The following GALNT3 variants were observed in gnomAD, a reference collection of about 807,000 sequenced individuals.
GALNT3 encodes the protein polypeptide N-acetylgalactosaminyltransferase 3, also known as GalNAc transferase 3.
In GALNT3, 51 loss-of-function variants were observed where a neutral mutation model predicts 69.8. The observed-to-expected ratio is 0.73, with a 90% CI of 0.58 to 0.92. The LOEUF (loss-of-function observed/expected upper bound fraction) is 0.92, where lower values mean the gene tolerates loss of function less well. Among genes scored for constraint, GALNT3 ranks in the 40% least tolerant of loss-of-function variants. GALNT3 has a pLI of 0.00. For missense variants in GALNT3, 711 were observed against 760.0 expected, an observed-to-expected ratio of 0.94 and a Z score of 0.76; for synonymous variants, 265 against 248.5, an observed-to-expected ratio of 1.07 and a Z score of -0.63.
At chr2:165,791,106 A>G (rs978281187) in intron 1 of GALNT3, among the ~76,000 whole-genome samples, 1 of 152,196 alleles carries the variant, frequency 6.6e-6, no homozygotes, top group African/African-American at 2.4e-5. Context: ...ATGTATAATG[A>G]ACAAGGTTTC....
chr2:165,751,197 T>C (rs1000769020), intron 9 of GALNT3, among the ~76,000 whole-genome samples: 5 of 152,144 alleles, frequency 3.3e-5, no homozygotes, highest in Non-Finnish European at 7.4e-5. Context: ...ATGAAATAAT[T>C]AGTAGGAGCA....
At chr2:165,767,338 AT>A (rs1204181827) in intron 2 of GALNT3, among the ~76,000 whole-genome samples, 1 of 151,978 alleles carries the variant, frequency 6.6e-6, no homozygotes, top group East Asian at 1.9e-4. Context: ...TGAGTATAAG[AT>A]TTTTTTCCTA....
At chr2:165,777,134 A>C (rs1682974234) in intron 1 of GALNT3, among the ~76,000 whole-genome samples, 2 of 152,190 alleles carry the variant, frequency 1.3e-5, no homozygotes. Flanking sequence ...TCTTGTTTCC[A>C]TGTTTGTGAC....
chr2:165,756,013 A>G (rs988380440), intron 7 of GALNT3, among the ~76,000 whole-genome samples: 2 of 152,222 alleles, frequency 1.3e-5, no homozygotes, highest in Non-Finnish European at 2.9e-5. Flanking sequence ...TTAGCCAAGT[A>G]CTATTGTACA....
chr2:165,759,570 C>A lies in GALNT3; in HGVS notation c.839G>T (p.Cys280Phe). 1.2e-6 allele frequency: 2 copies of A among 1,608,470 alleles called. No homozygotes were observed. Among genetic ancestry groups the A allele is most frequent in the African/African-American group, 1.3e-5 (1 of 74,894 alleles). ...TTCTAGCCAACCATAGAAACACTCA[C>A]CTGGAGGGAACAGAATTTTAATTAA... ...AETLTFLDAH[C>F]ECFYGWLEPL... is the part of the protein sequence containing the mutation. The change falls in exon 5 of 11, where the codon TGT becomes TTT. Residue 280 changes from cysteine to phenylalanine, a missense_variant and splice_region_variant. Transcript: ENST00000392701.
At chr2:165,767,865 A>C (rs2105416559) in intron 2 of GALNT3, among the ~76,000 whole-genome samples, 2 of 144,024 alleles carry the variant, frequency 1.4e-5, no homozygotes, top group African/African-American at 5.1e-5. Flanking sequence ...AGTAAAAAAC[A>C]AATCTTTTTT....
chr2:165,776,902 G>A (rs1377077485), intron 1 of GALNT3, among the ~76,000 whole-genome samples: 1 of 152,106 alleles, frequency 6.6e-6, no homozygotes, highest in Non-Finnish European at 1.5e-5. Flanking sequence ...TGAATCACCT[G>A]GGGATCTTGT....
chr2:165,782,200 T>C (rs1484662231), intron 1 of GALNT3, among the ~76,000 whole-genome samples: 3 of 152,144 alleles, frequency 2.0e-5, no homozygotes, highest in Admixed American at 6.6e-5. Context: ...TGATTTACTA[T>C]CTTTGAAGAA....
chr2:165,761,844 T>C, intron 4 of GALNT3, 61 bp downstream of exon 4: 1 of 1,569,856 alleles, frequency 6.4e-7, no homozygotes, highest in Non-Finnish European at 8.8e-7. Flanking sequence ...CTTCCTTACC[T>C]TTTAAATTAG....
chr2:165,758,715 A>G, intron 6 of GALNT3, 32 bp downstream of exon 6: 1 of 1,207,244 alleles, frequency 8.3e-7, no homozygotes, highest in Non-Finnish European at 1.2e-6. Flanking sequence ...ATTGTTTAAT[A>G]TATCTGCTAT....
intron 1 of GALNT3, among the ~76,000 whole-genome samples, chr2:165,780,740 A>G (rs1047765733): frequency 5.3e-5 from 8 of 152,094 alleles, no homozygotes; most frequent in Admixed American, 3.3e-4. Flanking sequence ...GTTGAAAGAG[A>G]CAAGGCAATG....
intron 4 of GALNT3, among the ~76,000 whole-genome samples, chr2:165,761,589 CT>C (rs932581364): frequency 4.9e-4 from 66 of 135,272 alleles, no homozygotes; most frequent in African/African-American, 1.5e-3. Flanking sequence ...CAAACAAACA[CT>C]TTTTTTTTTA....
At position 165,770,220 on chromosome 2, in the gene GALNT3, G is replaced by A; in HGVS notation, c.481C>T (p.His161Tyr). Residue 161 changes from histidine to tyrosine, a missense_variant, in exon 2 of 11, where the codon CAC becomes TAC. Coordinates refer to ENST00000392701, the MANE Select transcript of GALNT3 (RefSeq NM_004482.4). ...NAFASDRISL[H>Y]RDLGPDTRPP... is the part of the protein sequence containing the mutation. Reference sequence around the variant, plus strand: ...CGAGTGTCTGGTCCAAGATCTCGGTGCAAAGAAATCCTGTCACTTGCGAAA... The same window carrying A: ...CGAGTGTCTGGTCCAAGATCTCGGTACAAAGAAATCCTGTCACTTGCGAAA... The A allele has an allele frequency of 6.2e-7, 1 of 1,614,118 alleles. No homozygotes were observed. The highest frequency in any genetic ancestry group is 8.5e-7 in the Non-Finnish European group (1 of 1,180,014).
In GALNT3 at chr2:165,758,552, C is replaced by T. The variant is rs369087920; in HGVS notation, c.1191+195G>A. ...GGAGTTTAACTGATTCCTCTTGTTACACTGGCGACAATGAATAAATATATT... is the reference window on the plus strand; with the variant it reads ...GGAGTTTAACTGATTCCTCTTGTTATACTGGCGACAATGAATAAATATATT... On this transcript the variant is annotated intron_variant, in intron 6 of 10. Coordinates refer to ENST00000392701, the MANE Select transcript of GALNT3 (RefSeq NM_004482.4). The T allele has an allele frequency of 9.1e-4, 430 of 471,592 alleles. 12 individuals are homozygous for T. The South Asian group carries it at 0.011, about 12-fold the overall frequency. 29.2% of individuals were successfully genotyped at this position (471,592 alleles called of 1,614,324 possible).
chr2:165,785,298 C>A (rs909911567), intron 1 of GALNT3, among the ~76,000 whole-genome samples: 2 of 151,852 alleles, frequency 1.3e-5, no homozygotes, highest in Admixed American at 6.6e-5. Flanking sequence ...ATGAAATGAT[C>A]CCAATATAGT....
Position 165,765,029 on chromosome 2 carries a change from G to C in GALNT3, c.543C>G (p.Cys181Trp), listed in dbSNP as rs2105413444. The C allele has an allele frequency of 6.2e-7, 1 of 1,614,154 alleles. No homozygotes were observed. The highest frequency in any genetic ancestry group is 8.5e-7 in the Non-Finnish European group (1 of 1,180,008). The change falls in exon 3 of 11, where the codon TGC becomes TGG. Residue 181 changes from cysteine (C) to tryptophan (W), a missense_variant. Physicochemically the swap from Cys to Trp is radical, Grantham distance 215. Transcript: ENST00000392701. ...TGACACTGGTGGTGGGCAGGGGAGG[G>C]CAGCGCTTAAATTTTTGTTCAATAC... ...PECIEQKFKRCPPLPTTSVII... is the reference protein window; with the variant it reads ...PECIEQKFKRWPPLPTTSVII...
chr2:165,755,267 C>G (rs1416950812), intron 7 of GALNT3, among the ~76,000 whole-genome samples: 1 of 152,152 alleles, frequency 6.6e-6, no homozygotes, highest in East Asian at 1.9e-4. Context: ...GAGTCAACAC[C>G]ACTTCAGTGC....
At chr2:165,763,623 A>G (rs1176301554) in intron 3 of GALNT3, among the ~76,000 whole-genome samples, 5 of 152,212 alleles carry the variant, frequency 3.3e-5, no homozygotes, top group African/African-American at 1.2e-4. Flanking sequence ...AGAGGCTTGT[A>G]AAAATTTCAA....
chr2:165,754,687 T>C lies in GALNT3; in HGVS notation c.1566A>G (p.Glu522=). The change falls in exon 9 of 11, where the codon GAA becomes GAG. Residue 522 remains glutamate, a synonymous_variant. Coordinates refer to ENST00000392701, the MANE Select transcript of GALNT3 (RefSeq NM_004482.4). ...VGQPLCLDVG[E]NNQGGKPLIM... is the part of the protein sequence containing the mutation. The stretch of plus-strand genomic sequence containing the variant: ...TTAATGGTTTGCCTCCTTGATTGTT[T>C]TCTCCAACATCCAGACATAGAGGCT... The C allele has an allele frequency of 2.5e-6, 4 of 1,613,670 alleles. No individual in the cohort carries two copies. Among genetic ancestry groups the C allele is most frequent in the Admixed American group, 1.7e-5 (1 of 60,008 alleles).
Sources: gnomAD v4.1 joint callset for allele counts (sites outside exome capture counted in the v4.1 genomes callset) on GRCh38, gnomAD v4.1.1 for gene constraint, MANE v1.5 for transcripts, NCBI Gene and HGNC (gene_info 2026-07-23, HGNC 2026-07-21) for gene names.